Variants in NDUFB6 observed in about 807,000 individuals in gnomAD.
NDUFB6 encodes NADH:ubiquinone oxidoreductase subunit B6, also known as NADH dehydrogenase [ubiquinone] 1 beta subcomplex subunit 6.
NDUFB6 carries 23 observed loss-of-function variants against 17.5 expected under a neutral mutation model. That is an observed-to-expected ratio of 1.31 (90% confidence interval 0.94 to 1.86). NDUFB6 has a LOEUF of 1.86. NDUFB6 is among the 40% of genes most tolerant of loss of function. NDUFB6 has a pLI of 0.00. For synonymous variants in NDUFB6, 60 were observed against 53.5 expected, an observed-to-expected ratio of 1.12 and a Z score of -0.53; for missense variants, 167 against 153.8, an observed-to-expected ratio of 1.09 and a Z score of -0.46.
chr9:32,553,944 C>T lies in NDUFB6; in HGVS notation c.319G>A (p.Gly107Ser), dbSNP rs751630084. ...IVEKKSRIFP[G>S]DTILETGEVI... is the part of the protein sequence containing the mutation. ...TCTCCAGTCTCCAGAATTGTATCACCCTAGGAAAACAAAGATACAGTTAGT... is the reference window on the plus strand; with the variant it reads ...TCTCCAGTCTCCAGAATTGTATCACTCTAGGAAAACAAAGATACAGTTAGT... The change falls in exon 4 of 4, where the codon GGT becomes AGT. Residue 107 changes from glycine to serine, a missense_variant and splice_region_variant. Coordinates refer to ENST00000379847, the MANE Select transcript of NDUFB6 (RefSeq NM_002493.5). 6.3e-7 allele frequency: 1 copy of T among 1,579,894 alleles called. No homozygotes were observed.
At chr9:32,571,713 T>C (rs1175933546) in intron 1 of NDUFB6, among the ~76,000 whole-genome samples, 1 of 152,062 alleles carries the variant, frequency 6.6e-6, no homozygotes, top group Non-Finnish European at 1.5e-5. Context: ...AAAGAATAAA[T>C]TAAAGTAAGG....
intron 3 of NDUFB6, among the ~76,000 whole-genome samples, chr9:32,557,680 T>C (rs989752892): frequency 1.3e-5 from 2 of 152,062 alleles, no homozygotes; most frequent in African/African-American, 4.8e-5. Context: ...GGTTTCACCA[T>C]GTTGGCCAGG....
At chr9:32,568,114 T>C (rs1180461997) in intron 2 of NDUFB6, 1 of 167,280 alleles carries the variant, frequency 6.0e-6, no homozygotes, top group Non-Finnish European at 1.5e-5. Flanking sequence ...GAAAATCTTC[T>C]GGGAAAGAAT....
At chr9:32,562,188 C>T (rs543519681) in intron 2 of NDUFB6, among the ~76,000 whole-genome samples, 4 of 152,250 alleles carry the variant, frequency 2.6e-5, no homozygotes, top group South Asian at 2.1e-4. Context: ...TTTTTTCCTC[C>T]GTACTCTTTC....
intron 2 of NDUFB6, chr9:32,568,635 G>A (rs999836105): frequency 4.9e-5 from 8 of 162,018 alleles, no homozygotes; most frequent in South Asian, 3.8e-4. Context: ...CCTCAGTGTT[G>A]TCTCATATAC....
chr9:32,566,108 G>A (rs750883523), intron 2 of NDUFB6: 6 of 490,906 alleles, frequency 1.2e-5, no homozygotes, highest in South Asian at 9.9e-5. Flanking sequence ...TTATGCCCAC[G>A]ACAGGCCTCG....
In NDUFB6 at chr9:32,570,991, A is replaced by G. The variant is rs148891049; in HGVS notation, c.242T>C (p.Ile81Thr). 1.4e-4 allele frequency: 225 copies of G among 1,603,206 alleles called. 1 individual carries two copies. In the African/African-American group the frequency reaches 2.6e-3, roughly 19 times the overall value. Reference protein sequence around the residue: ...VFTHVLVPVWIIHYYMKYHVS... With the variant: ...VFTHVLVPVWTIHYYMKYHVS... ...ATGATACTTCATGTAATAATGAATA[A>G]TCCAGACAGGTACAAGTACATGAGT... The change falls in exon 2 of 4, where the codon ATT (isoleucine) becomes ACT (threonine). Residue 81 changes from isoleucine (I) to threonine (T), a missense_variant. By Grantham distance (89) the Ile-to-Thr change is moderately conservative. Transcript: ENST00000379847.
chr9:32,573,158 A>G lies in NDUFB6; in HGVS notation c.-98T>C. The G allele has an allele frequency of 7.7e-7, 1 of 1,302,222 alleles. No homozygotes were observed. Among genetic ancestry groups the G allele is most frequent in the Non-Finnish European group, 1.0e-6 (1 of 984,336 alleles). The allele number at this position is 1,302,222 out of a possible 1,614,324, so 80.7% of individuals were successfully genotyped here. The stretch of plus-strand genomic sequence containing the variant: ...CGCTCTGCAAAGCGACCTTGCGGGA[A>G]CGCCGAGCGCCGCGCGCGGTTATTA... On this transcript the variant is annotated 5_prime_UTR_variant, in exon 1 of 4. Coordinates refer to ENST00000379847, the MANE Select transcript of NDUFB6 (RefSeq NM_002493.5).
chr9:32,556,030 G>A (rs774135709), intron 3 of NDUFB6, among the ~76,000 whole-genome samples: 17 of 152,210 alleles, frequency 1.1e-4, no homozygotes, highest in Non-Finnish European at 2.2e-4. Context: ...CAGATCAACA[G>A]AAGTCATATA....
chr9:32,569,046 G>A (rs1337575881), intron 2 of NDUFB6, among the ~76,000 whole-genome samples: 6 of 151,566 alleles, frequency 4.0e-5, no homozygotes, highest in African/African-American at 9.7e-5. Context: ...ACCGCGCCCC[G>A]CCTGCTATCT....
At chr9:32,567,084 T>C (rs1188028599) in intron 2 of NDUFB6, 5 of 488,392 alleles carry the variant, frequency 1.0e-5, no homozygotes, top group Non-Finnish European at 1.7e-5. Flanking sequence ...TTCCTCGGGC[T>C]GCACAGGGCC....
chr9:32,553,785 TTATTA>T lies in NDUFB6; in HGVS notation c.*86_*90del. The T allele has an allele frequency of 4.7e-6, 4 of 856,242 alleles. No homozygotes were observed. The highest frequency in any genetic ancestry group is 7.7e-6 in the Non-Finnish European group (4 of 520,492). 53.0% of individuals were successfully genotyped at this position (856,242 alleles called of 1,614,324 possible). ...ATATGACAATTTCTGAGATTAAACT[TTATTA>T]AAGTTACTTTTCCAGAAAATTCAGT... On this transcript the variant is annotated 3_prime_UTR_variant, in exon 4 of 4. Coordinates refer to ENST00000379847, the MANE Select transcript of NDUFB6 (RefSeq NM_002493.5).
In NDUFB6 at chr9:32,553,763, T is replaced by C. The variant is rs1440021805; in HGVS notation, c.*113A>G. The C allele has an allele frequency of 1.4e-5, 10 of 730,068 alleles. No individual in the cohort carries two copies. The highest frequency in any genetic ancestry group is 3.6e-5 in the African/African-American group (2 of 55,666). 45.2% of individuals were successfully genotyped at this position (730,068 alleles called of 1,614,324 possible). On this transcript the variant is annotated 3_prime_UTR_variant, in exon 4 of 4. Transcript: ENST00000379847. The stretch of plus-strand genomic sequence containing the variant: ...ATTGTACAATGCTTGAAAACAGATA[T>C]GACAATTTCTGAGATTAAACTTTAT...
intron 2 of NDUFB6, among the ~76,000 whole-genome samples, chr9:32,559,515 A>G (rs1587640416): frequency 6.6e-6 from 1 of 151,804 alleles, no homozygotes; most frequent in Non-Finnish European, 1.5e-5. Flanking sequence ...TCCCTCACTT[A>G]CTCTACTACA....
chr9:32,560,272 C>A (rs1270113097), intron 2 of NDUFB6, among the ~76,000 whole-genome samples: 3 of 152,228 alleles, frequency 2.0e-5, no homozygotes, highest in Non-Finnish European at 4.4e-5. Flanking sequence ...ATATGTCCAT[C>A]TATGGCTCAG....
Position 32,553,583 on chromosome 9 carries a change from G to A in NDUFB6, c.*293C>T, listed in dbSNP as rs1821365802. 3.0e-6 allele frequency: 1 copy of A among 338,756 alleles called. No individual in the cohort carries two copies. The highest frequency in any genetic ancestry group is 2.2e-5 in the African/African-American group (1 of 46,260). The allele number at this position is 338,756 out of a possible 1,614,324, so 21.0% of individuals were successfully genotyped here. On this transcript the variant is annotated 3_prime_UTR_variant, in exon 4 of 4. Coordinates refer to ENST00000379847, the MANE Select transcript of NDUFB6 (RefSeq NM_002493.5). The stretch of plus-strand genomic sequence containing the variant: ...TGTTGCATACCCTGATACCAAATTA[G>A]TGTAAGTACTGTGTAAGAAAAAAAC...
chr9:32,564,758 G>A (rs1362668119), intron 2 of NDUFB6, among the ~76,000 whole-genome samples: 1 of 152,184 alleles, frequency 6.6e-6, no homozygotes, highest in African/African-American at 2.4e-5. Flanking sequence ...AAATGGAGCA[G>A]GAGCAGGGTT....
chr9:32,563,652 G>A (rs1004504824), intron 2 of NDUFB6, among the ~76,000 whole-genome samples: 1 of 151,928 alleles, frequency 6.6e-6, no homozygotes, highest in Non-Finnish European at 1.5e-5. Context: ...ATGTTCCTTA[G>A]CTGAATTAAA....
intron 2 of NDUFB6, chr9:32,568,294 T>C (rs996270942): frequency 5.5e-6 from 1 of 183,200 alleles, no homozygotes; most frequent in African/African-American, 2.4e-5. Flanking sequence ...GCAAAAGAAC[T>C]AGAATTAGAA....
Sources: allele counts gnomAD v4.1 joint callset (sites outside exome capture counted in the v4.1 genomes callset), GRCh38; gene constraint gnomAD v4.1.1; transcripts MANE v1.5; gene names NCBI Gene and HGNC (gene_info 2026-07-23, HGNC 2026-07-21).